The following SPATA21 variants were observed in gnomAD, a reference collection of about 807,000 sequenced individuals.
The protein encoded by SPATA21 is spermatogenesis-associated protein 21.
In SPATA21, 47 loss-of-function variants were observed where a neutral mutation model predicts 54.8. The observed-to-expected ratio is 0.86, with a 90% CI of 0.68 to 1.09. SPATA21 has a LOEUF of 1.09. Among genes scored for constraint, SPATA21 ranks in the 50% least tolerant of loss-of-function variants. The pLI is 0.00. For missense variants in SPATA21, 599 were observed against 596.4 expected (o/e 1.00, Z -0.05); for synonymous variants, 245 against 235.3 (o/e 1.04, Z -0.38).
At chr1:16,410,075 C>G (rs1178307085) in intron 5 of SPATA21, 32 bp from the exon 6 acceptor site, 24 of 1,500,188 alleles carry the variant, frequency 1.6e-5, no homozygotes, top group Non-Finnish European at 1.9e-5. Flanking sequence ...CAGGAGGCCT[C>G]TAGTGGGCCA....
At chr1:16,434,308 C>G (rs1214924133) in intron 1 of SPATA21, among the ~76,000 whole-genome samples, 1 of 145,436 alleles carries the variant, frequency 6.9e-6, no homozygotes, top group Non-Finnish European at 1.5e-5. Context: ...TTTTTTGAGA[C>G]AGAGTTTTGC....
chr1:16,436,978 C>T (rs1368085504), intron 1 of SPATA21, 150 bp downstream of exon 1: 1 of 152,058 alleles, frequency 6.6e-6, no homozygotes, highest in Non-Finnish European at 1.5e-5. Context: ...AAGTGGTTTC[C>T]TCATCTGAAA....
chr1:16,400,388 A>G, intron 11 of SPATA21: 1 of 966,226 alleles, frequency 1.0e-6, no homozygotes, highest in Non-Finnish European at 1.2e-6. Context: ...GAGCATCTGC[A>G]AAGGGCCTAG....
intron 3 of SPATA21, among the ~76,000 whole-genome samples, chr1:16,423,447 G>C (rs2086229238): frequency 6.8e-6 from 1 of 147,886 alleles, no homozygotes; most frequent in African/African-American, 2.5e-5. Flanking sequence ...GTATATTATG[G>C]TATATCCATA....
Position 16,421,578 on chromosome 1 carries a change from C to G in SPATA21, c.96-21G>C. On this transcript the variant is annotated intron_variant, in intron 4 of 12. Coordinates refer to ENST00000335496, the MANE Select transcript of SPATA21 (RefSeq NM_198546.1). This position sits in a 1 kb window ranked among gnomAD's most constrained non-coding sequence, Gnocchi z 5.2. The stretch of plus-strand genomic sequence containing the variant: ...CACCCCTGAATAGAAGAGAAACCCC[C>G]AGGTGGGGGAAGCGCTCAGCTGAAG... 1 of 1,610,966 alleles carries G rather than the reference C, an allele frequency of 6.2e-7. No individual in the cohort carries two copies. Among genetic ancestry groups the G allele is most frequent in the Non-Finnish European group, 8.5e-7 (1 of 1,178,832 alleles).
chr1:16,434,849 TC>T (rs568076274), intron 1 of SPATA21, among the ~76,000 whole-genome samples: 164 of 151,644 alleles, frequency 1.1e-3, no homozygotes, highest in South Asian at 2.9e-3. Flanking sequence ...TTATTATCTG[TC>T]TTATTTATTT....
At chr1:16,426,254 CTTAT>C (rs750947536) in intron 3 of SPATA21, among the ~76,000 whole-genome samples, 2 of 151,498 alleles carry the variant, frequency 1.3e-5, no homozygotes, top group African/African-American at 2.4e-5. Context: ...CGTATGCATA[CTTAT>C]TTATTTATTT....
At position 16,421,404 on chromosome 1, in the gene SPATA21, T is replaced by C. The variant is rs1156397564; in HGVS notation, c.144+105A>G. 8.7e-7 allele frequency: 1 copy of C among 1,148,974 alleles called. No individual in the cohort carries two copies. Among genetic ancestry groups the C allele is most frequent in the Non-Finnish European group, 1.2e-6 (1 of 812,326 alleles). The allele number at this position is 1,148,974 out of a possible 1,614,324, so 71.2% of individuals were successfully genotyped here. A position where few individuals can be genotyped will look rare whatever the true frequency, so the allele number is the denominator to read the frequency against. ...ACACCTTCCTTGGTTTGACTCCAAATAGGGGTTTGACGTGCCACATCCGCT... is the reference window on the plus strand; with the variant it reads ...ACACCTTCCTTGGTTTGACTCCAAACAGGGGTTTGACGTGCCACATCCGCT... On this transcript the variant is annotated intron_variant, in intron 5 of 12. Coordinates refer to ENST00000335496, the MANE Select transcript of SPATA21 (RefSeq NM_198546.1). This position sits in a 1 kb window ranked among gnomAD's most constrained non-coding sequence, Gnocchi z 5.2.
intron 1 of SPATA21, among the ~76,000 whole-genome samples, chr1:16,434,380 G>A (rs1425938385): frequency 1.3e-5 from 2 of 151,730 alleles, no homozygotes; most frequent in African/African-American, 4.8e-5. Context: ...CAAACTCCTG[G>A]GCTCAAGGGA....
intron 10 of SPATA21, 131 bp downstream of exon 10, chr1:16,403,596 C>G: frequency 2.6e-6 from 2 of 761,370 alleles, no homozygotes; most frequent in Non-Finnish European, 4.5e-6. Flanking sequence ...TCAAGCGATT[C>G]TCGTGCCTCA....
intron 8 of SPATA21, among the ~76,000 whole-genome samples, chr1:16,404,483 AAAAC>A (rs935622471): frequency 6.6e-6 from 1 of 151,832 alleles, no homozygotes; most frequent in African/African-American, 2.4e-5. Context: ...AACAAACAAA[AAAAC>A]AAAACCAAAA....
chr1:16,405,514 AACTG>A (rs2085610037), intron 7 of SPATA21, among the ~76,000 whole-genome samples: 1 of 146,684 alleles, frequency 6.8e-6, no homozygotes, highest in Non-Finnish European at 1.5e-5. Flanking sequence ...AAAAAAAAAA[AACTG>A]GGCATGGTGG....
At chr1:16,418,203 G>A (rs1341662819) in intron 5 of SPATA21, among the ~76,000 whole-genome samples, 1 of 152,258 alleles carries the variant, frequency 6.6e-6, no homozygotes, top group Non-Finnish European at 1.5e-5. Flanking sequence ...CGCTTTGCAT[G>A]GGGTAGGGAT....
Position 16,421,705 on chromosome 1 carries a change from C to T in SPATA21, c.96-148G>A. 2.7e-6 allele frequency: 3 copies of T among 1,121,564 alleles called. No homozygotes were observed. Among genetic ancestry groups the T allele is most frequent in the East Asian group, 2.4e-5 (1 of 41,160 alleles). The allele number at this position is 1,121,564 out of a possible 1,614,324, so 69.5% of individuals were successfully genotyped here. ...TCTCAGGGGGCTCCTTATGTCCCCA[C>T]ATCCTCATATATACAGGCTCACGGA... On this transcript the variant is annotated intron_variant, in intron 4 of 12. Coordinates refer to ENST00000335496, the MANE Select transcript of SPATA21 (RefSeq NM_198546.1). This position sits in a 1 kb window ranked among gnomAD's most constrained non-coding sequence, Gnocchi z 5.2.
intron 5 of SPATA21, among the ~76,000 whole-genome samples, chr1:16,418,465 G>A (rs1233823559): frequency 1.3e-5 from 2 of 149,560 alleles, no homozygotes; most frequent in South Asian, 2.1e-4. Flanking sequence ...GTAGAGAAGC[G>A]GTTTCACCTT....
rs1037578926 is a variant in SPATA21, at chr1:16,422,335, C to T, written c.35-364G>A. 9 of 691,622 alleles carry T rather than the reference C, an allele frequency of 1.3e-5. No homozygotes were observed. The African/African-American group carries it at 1.7e-4, about 13-fold the overall frequency. 42.8% of individuals were successfully genotyped at this position (691,622 alleles called of 1,614,324 possible). ...TCAGGCATCATCTTACTTAATTCTC[C>T]TAGTGCCCCTAGAAGGTAGCACAGG... On this transcript the variant is annotated intron_variant, in intron 3 of 12. Coordinates refer to ENST00000335496, the MANE Select transcript of SPATA21 (RefSeq NM_198546.1).
At position 16,409,194 on chromosome 1, in the gene SPATA21, C is replaced by T. The variant is rs373392685; in HGVS notation, c.597G>A (p.Pro199=). ...TLSYAKARQE[P]EEQSLQKLYQ... The stretch of plus-strand genomic sequence containing the variant: ...AAAGCTTTTGGAGGCTCTGCTCTTC[C>T]GGCTCCTGCCTGCAGAGGACAGAAC... The change falls in exon 7 of 13, where the codon CCG becomes CCA. Residue 199 remains proline (P), a synonymous_variant. Coordinates refer to ENST00000335496, the MANE Select transcript of SPATA21 (RefSeq NM_198546.1). This position sits in a 1 kb window ranked among gnomAD's most constrained non-coding sequence, Gnocchi z 4.1. The T allele has an allele frequency of 3.3e-5, 53 of 1,614,104 alleles. No individual in the cohort carries two copies. The East Asian group carries it at 4.7e-4, about 14-fold the overall frequency.
chr1:16,400,952 T>C, intron 10 of SPATA21, 60 bp from the exon 11 acceptor site: 1 of 1,551,460 alleles, frequency 6.4e-7, no homozygotes, highest in Non-Finnish European at 8.7e-7. Context: ...CTTCTCCTCC[T>C]CAGCCCCTAT....
At chr1:16,431,084 T>G (rs893059024) in intron 3 of SPATA21, among the ~76,000 whole-genome samples, 1 of 152,214 alleles carries the variant, frequency 6.6e-6, no homozygotes, top group Non-Finnish European at 1.5e-5. Context: ...TTACCCAAAC[T>G]GATATATTCT....
Sources: gnomAD v4.1 joint callset for allele counts (sites outside exome capture counted in the v4.1 genomes callset) on GRCh38, gnomAD v4.1.1 for gene constraint, Gnocchi (gnomAD v3.1) non-coding constraint, MANE v1.5 for transcripts, NCBI Gene and HGNC (gene_info 2026-07-23, HGNC 2026-07-21) for gene names.